Variants in SYF2 observed in about 807,000 individuals in gnomAD.
The protein encoded by SYF2 is pre-mRNA-splicing factor SYF2.
SYF2 carries 21 observed loss-of-function variants against 32.7 expected under a neutral mutation model. The observed-to-expected ratio is 0.64, with a 90% CI of 0.45 to 0.92. SYF2 has a LOEUF of 0.92. Among genes scored for constraint, SYF2 ranks in the 40% least tolerant of loss-of-function variants. The pLI is 0.00. For missense variants in SYF2, 278 were observed against 296.5 expected, an observed-to-expected ratio of 0.94 and a Z score of 0.46; for synonymous variants, 114 against 103.9, an observed-to-expected ratio of 1.10 and a Z score of -0.59.
In SYF2 at chr1:25,228,166, T is replaced by A; in HGVS notation, c.328A>T (p.Arg110Ter). 1 of 1,613,976 alleles carries A rather than the reference T, an allele frequency of 6.2e-7. No homozygotes were observed. The highest frequency in any genetic ancestry group is 8.5e-7 in the Non-Finnish European group (1 of 1,180,004). The change falls in exon 4 of 7, where the codon AGA becomes TGA. Residue 110 changes from arginine (R) to a stop codon, truncating the protein, a stop_gained. Coordinates refer to ENST00000236273, the MANE Select transcript of SYF2 (RefSeq NM_015484.5). LOFTEE classifies it high-confidence loss of function. ...LLEISAEDAERWERKKKRKNP... is the reference protein window; with the variant it reads ...LLEISAEDAE The stretch of plus-strand genomic sequence containing the variant: ...TTCCTCTTCTTTTTCCTCTCCCATC[T>A]TTCTGCATCTTCTGCACTGATCTCC...
At chr1:25,232,361 T>C (rs963542478) in intron 1 of SYF2, 83 bp downstream of exon 1, 20 of 1,609,712 alleles carry the variant, frequency 1.2e-5, no homozygotes, top group Non-Finnish European at 1.4e-5. Context: ...GAAGCGAAAC[T>C]AGACTTCGCC....
intron 3 of SYF2, 48 bp downstream of exon 3, chr1:25,228,950 A>G: frequency 6.3e-7 from 1 of 1,592,920 alleles, no homozygotes; most frequent in Non-Finnish European, 8.5e-7. Context: ...GTCTTGATAC[A>G]ACAGAATGAT....
intron 3 of SYF2, 61 bp downstream of exon 3, chr1:25,228,937 A>T: frequency 1.3e-6 from 2 of 1,569,842 alleles, no homozygotes; most frequent in Non-Finnish European, 8.6e-7. Flanking sequence ...ACCATGTTGT[A>T]GTGTCTTGAT....
chr1:25,226,677 A>C (rs911669417), intron 5 of SYF2, among the ~76,000 whole-genome samples: 1 of 152,218 alleles, frequency 6.6e-6, no homozygotes, highest in African/African-American at 2.4e-5. Flanking sequence ...AGTAAGCAAT[A>C]AACAGTGCTG....
intron 2 of SYF2, chr1:25,230,354 T>C (rs980836644): frequency 4.0e-5 from 6 of 151,890 alleles, no homozygotes; most frequent in Non-Finnish European, 8.8e-5. Context: ...ATAAACTTAA[T>C]TGCATAAAGC....
rs542971656 is a variant in SYF2, at chr1:25,232,106, G to T, written c.130C>A (p.Arg44=). The change falls in exon 2 of 7, where the codon CGG becomes AGG. Residue 44 remains arginine (R), a splice_region_variant and synonymous_variant. Transcript: ENST00000236273. The stretch of plus-strand genomic sequence containing the variant: ...AGCCGGCCTCCAAGACTACTCACCC[G>T]CATCAGGTGCAGCTCCCGGAATTTG... The part of the protein sequence containing the change: ...LRKFRELHLM[R]NEARKLNHQE... 6.2e-7 allele frequency: 1 copy of T among 1,613,384 alleles called. No individual in the cohort carries two copies. The highest frequency in any genetic ancestry group is 1.3e-5 in the African/African-American group (1 of 75,032).
Position 25,223,107 on chromosome 1 carries a change from A to G in SYF2, c.*159T>C. 1.7e-6 allele frequency: 1 copy of G among 602,644 alleles called. No homozygotes were observed. Among genetic ancestry groups the G allele is most frequent in the Non-Finnish European group, 2.8e-6 (1 of 359,956 alleles). The allele number at this position is 602,644 out of a possible 1,614,324, so 37.3% of individuals were successfully genotyped here. A position where few individuals can be genotyped will look rare whatever the true frequency, so the allele number is the denominator to read the frequency against. ...AAAATGTGGAAATATACATGAAAGGATATACGTTTAAGAAACCACATTTTT... is the reference window on the plus strand; with the variant it reads ...AAAATGTGGAAATATACATGAAAGGGTATACGTTTAAGAAACCACATTTTT... On this transcript the variant is annotated 3_prime_UTR_variant, in exon 7 of 7. Coordinates refer to ENST00000236273, the MANE Select transcript of SYF2 (RefSeq NM_015484.5).
chr1:25,227,859 A>G (rs1179735750), intron 4 of SYF2, among the ~76,000 whole-genome samples: 1 of 152,224 alleles, frequency 6.6e-6, no homozygotes, highest in Non-Finnish European at 1.5e-5. Context: ...CACTATTCTA[A>G]GCATAGCTTC....
intron 2 of SYF2, 152 bp downstream of exon 2, chr1:25,231,952 C>G: frequency 2.6e-6 from 2 of 779,272 alleles, no homozygotes; most frequent in South Asian, 2.9e-5. Context: ...AATGTGCTGC[C>G]AGGGTTGAGT....
Position 25,232,330 on chromosome 1 carries a change from CCA to C in SYF2, c.24+112_24+113del, listed in dbSNP as rs112395387. On this transcript the variant is annotated intron_variant, in intron 1 of 6. Transcript: ENST00000236273. ...TAGGGCCTCCACCGCCGACTTGACC[CCA>C]CAGTGTCTGAGCCTCCCTGAAGCGA... 5.8e-5 allele frequency: 92 copies of C among 1,595,866 alleles called. No homozygotes were observed. The African/African-American group carries it at 8.5e-4, about 15-fold the overall frequency.
rs369026501 is a variant in SYF2, at chr1:25,232,095, A to G, written c.132+9T>C. On this transcript the variant is annotated intron_variant, in intron 2 of 6. Transcript: ENST00000236273. Reference sequence around the variant, plus strand: ...TGACGGATCTAAGCCGGCCTCCAAGACTACTCACCCGCATCAGGTGCAGCT... The same window carrying G: ...TGACGGATCTAAGCCGGCCTCCAAGGCTACTCACCCGCATCAGGTGCAGCT... 2.4e-5 allele frequency: 38 copies of G among 1,612,836 alleles called. No homozygotes were observed. Among genetic ancestry groups the G allele is most frequent in the Middle Eastern group, 3.3e-4 (2 of 6,080 alleles).
intron 6 of SYF2, among the ~76,000 whole-genome samples, chr1:25,224,714 G>A (rs1638472415): frequency 6.6e-6 from 1 of 152,134 alleles, no homozygotes; most frequent in Non-Finnish European, 1.5e-5. Flanking sequence ...ACAGGGGAGT[G>A]GTTAAAGTAA....
At position 25,232,118 on chromosome 1, in the gene SYF2, G is replaced by C. The variant is rs921670135; in HGVS notation, c.118C>G (p.Leu40Val). 6.2e-7 allele frequency: 1 copy of C among 1,613,988 alleles called. No homozygotes were observed. The highest frequency in any genetic ancestry group is 8.5e-7 in the Non-Finnish European group (1 of 1,179,978). The change falls in exon 2 of 7, where the codon CTG becomes GTG. Residue 40 changes from leucine (L) to valine (V), a missense_variant. Transcript: ENST00000236273. ...REQRLRKFRELHLMRNEARKL... is the reference protein window; with the variant it reads ...REQRLRKFREVHLMRNEARKL... ...AGACTACTCACCCGCATCAGGTGCA[G>C]CTCCCGGAATTTGCGCAGTCTCTGT...
intron 6 of SYF2, among the ~76,000 whole-genome samples, chr1:25,224,647 G>A (rs1638471399): frequency 6.6e-6 from 1 of 152,158 alleles, no homozygotes; most frequent in African/African-American, 2.4e-5. Context: ...TCAGTATTAA[G>A]AAACACAAAC....
chr1:25,228,859 C>T, intron 3 of SYF2, 139 bp downstream of exon 3: 2 of 869,346 alleles, frequency 2.3e-6, no homozygotes, highest in East Asian at 2.7e-5. Context: ...CAACGTGTTG[C>T]AGTTGGTACT....
intron 5 of SYF2, 111 bp downstream of exon 5, chr1:25,227,331 A>G (rs1405190843): frequency 1.1e-6 from 1 of 874,532 alleles, no homozygotes; most frequent in African/African-American, 1.7e-5. Context: ...TCCTTAGACA[A>G]CTATTAATAA....
chr1:25,228,069 G>C, intron 4 of SYF2, 49 bp downstream of exon 4: 1 of 1,452,482 alleles, frequency 6.9e-7, no homozygotes, highest in Non-Finnish European at 9.6e-7. Flanking sequence ...AACAATGAAG[G>C]AAATGACTAA....
chr1:25,225,051 CAT>C lies in SYF2; in HGVS notation c.515_516del (p.His172ArgfsTer8). 1.2e-6 allele frequency: 2 copies of C among 1,614,086 alleles called. No homozygotes were observed. Among genetic ancestry groups the C allele is most frequent in the Non-Finnish European group, 1.7e-6 (2 of 1,179,966 alleles). On this transcript the variant is annotated frameshift_variant, in exon 6 of 7. Coordinates refer to ENST00000236273, the MANE Select transcript of SYF2 (RefSeq NM_015484.5). LOFTEE classifies it high-confidence loss of function. ...PTSNSLLHGTHVPSTEEIDRM... is the reference protein window; with the variant it reads ...PTSNSLLHGTXVPSTEEIDRM... ...CTGTCAATTTCCTCTGTGGAAGGCACATGTGTTCCATGAAGAAGACTATTGGA... is the reference window on the plus strand; with the variant it reads ...CTGTCAATTTCCTCTGTGGAAGGCACGTGTTCCATGAAGAAGACTATTGGA...
chr1:25,229,679 G>A (rs1476088160), intron 2 of SYF2, among the ~76,000 whole-genome samples: 2 of 151,840 alleles, frequency 1.3e-5, no homozygotes, highest in Non-Finnish European at 2.9e-5. Context: ...GGAGGCTGAG[G>A]CAGGAGATTC....
Sources: allele counts gnomAD v4.1 joint callset (sites outside exome capture counted in the v4.1 genomes callset), GRCh38; gene constraint gnomAD v4.1.1; transcripts MANE v1.5; gene names NCBI Gene and HGNC (gene_info 2026-07-23, HGNC 2026-07-21).